The following BBS9 variants were observed in gnomAD, a reference collection of about 807,000 sequenced individuals.
BBS9 encodes Bardet-Biedl syndrome 9.
In BBS9, 89 loss-of-function variants were observed where a neutral mutation model predicts 117.7. The observed-to-expected ratio is 0.76, with a 90% confidence interval of 0.64 to 0.90. The LOEUF (loss-of-function observed/expected upper bound fraction) is 0.90. Among genes scored for constraint, BBS9 ranks in the 40% least tolerant of loss-of-function variants. The probability of loss-of-function intolerance (pLI) is 0.00; values close to 1 mark genes in which losing one functional copy is unlikely to be tolerated. For synonymous variants in BBS9, 379 were observed against 370.9 expected (o/e 1.02, Z -0.25); for missense variants, 982 against 1,042.2 (o/e 0.94, Z 0.80).
At chr7:33,395,958 A>G (rs745945720) in intron 19 of BBS9, among the ~76,000 whole-genome samples, 4 of 152,168 alleles carry the variant, frequency 2.6e-5, no homozygotes, top group Non-Finnish European at 4.4e-5. Context: ...TTTTCATATA[A>G]CCACTTAAGA....
intron 19 of BBS9, among the ~76,000 whole-genome samples, chr7:33,441,814 A>G (rs1013590114): frequency 1.3e-5 from 2 of 152,114 alleles, no homozygotes; most frequent in African/African-American, 2.4e-5. Context: ...GGATGTGTTA[A>G]AGGAATTCCT....
chr7:33,269,614 G>A (rs185558744), intron 7 of BBS9, among the ~76,000 whole-genome samples: 4 of 152,120 alleles, frequency 2.6e-5, no homozygotes, highest in Non-Finnish European at 4.4e-5. Context: ...ACAGAAGTGG[G>A]AGAAGAGCTG....
intron 1 of BBS9, among the ~76,000 whole-genome samples, chr7:33,133,383 G>A (rs932700316): frequency 1.3e-5 from 2 of 151,982 alleles, no homozygotes; most frequent in African/African-American, 2.4e-5. Context: ...AAGAAACCTC[G>A]CATCCCTTAG....
intron 19 of BBS9, among the ~76,000 whole-genome samples, chr7:33,496,089 G>A (rs1417462264): frequency 6.6e-6 from 1 of 152,084 alleles, no homozygotes; most frequent in African/African-American, 2.4e-5. Context: ...AGGATCAGGT[G>A]GTTTAGCTCA....
At chr7:33,526,882 T>C (rs1468683817) in intron 20 of BBS9, among the ~76,000 whole-genome samples, 1 of 150,686 alleles carries the variant, frequency 6.6e-6, no homozygotes, top group African/African-American at 2.4e-5. Context: ...TGTGGTTTTA[T>C]CTACTTTTGG....
At chr7:33,251,961 C>T (rs140546281) in intron 5 of BBS9, among the ~76,000 whole-genome samples, 51 of 152,242 alleles carry the variant, frequency 3.3e-4, no homozygotes, top group African/African-American at 1.1e-3. Context: ...AAGAAATACC[C>T]ATGACTGGTA....
intron 9 of BBS9, among the ~76,000 whole-genome samples, chr7:33,325,974 T>G (rs574884307): frequency 1.7e-4 from 26 of 152,166 alleles, no homozygotes; most frequent in African/African-American, 5.1e-4. Context: ...CCAAGGCCTC[T>G]CATAACCACT....
chr7:33,439,727 C>T (rs145663080), intron 19 of BBS9, among the ~76,000 whole-genome samples: 57 of 152,242 alleles, frequency 3.7e-4, no homozygotes, highest in African/African-American at 1.3e-3. Context: ...CAGGGTTTCA[C>T]CATGTTGACC....
chr7:33,474,556 G>A (rs1008431079), intron 19 of BBS9, among the ~76,000 whole-genome samples: 11 of 152,138 alleles, frequency 7.2e-5, no homozygotes, highest in African/African-American at 2.7e-4. Flanking sequence ...ATTGCGAGAT[G>A]GCTGCTGCAG....
At chr7:33,565,752 A>T (rs1031458433) in intron 21 of BBS9, among the ~76,000 whole-genome samples, 3 of 134,192 alleles carry the variant, frequency 2.2e-5, no homozygotes, top group Admixed American at 7.5e-5. Context: ...CAGAGCCCAG[A>T]TCAATACAAA....
At chr7:33,268,481 C>G (rs1473016494) in intron 7 of BBS9, among the ~76,000 whole-genome samples, 1 of 152,180 alleles carries the variant, frequency 6.6e-6, no homozygotes, top group Non-Finnish European at 1.5e-5. Flanking sequence ...ATGCCACTCA[C>G]CTCGTTTGTT....
chr7:33,240,900 C>T (rs915706802), intron 5 of BBS9, among the ~76,000 whole-genome samples: 1 of 152,060 alleles, frequency 6.6e-6, no homozygotes, highest in African/African-American at 2.4e-5. Flanking sequence ...GTGCCAGCAC[C>T]CTGGTAGGCA....
intron 19 of BBS9, among the ~76,000 whole-genome samples, chr7:33,493,425 A>G (rs1363230685): frequency 6.6e-6 from 1 of 152,218 alleles, no homozygotes; most frequent in Non-Finnish European, 1.5e-5. Flanking sequence ...AATTCTTTTC[A>G]GTAAGTAATG....
rs186966741 is a variant in BBS9, at chr7:33,584,099, C to T, written c.2522-20766C>T. 3.6e-3 allele frequency among the ~76,000 whole-genome samples: 553 copies of T among 152,078 alleles called. 3 individuals are homozygous for T. Among genetic ancestry groups the T allele is most frequent in the African/African-American group, 0.012 (508 of 41,532 alleles). On this transcript the variant is annotated intron_variant, in intron 21 of 22. Coordinates refer to ENST00000242067, the MANE Select transcript of BBS9 (RefSeq NM_198428.3). ...ATTGGTGTTACTTTGAATATAATAACCCCTCCACTATATTTTCTAAGTGGA... is the reference window on the plus strand; with the variant it reads ...ATTGGTGTTACTTTGAATATAATAATCCCTCCACTATATTTTCTAAGTGGA...
chr7:33,548,710 A>G (rs891395202), intron 21 of BBS9, among the ~76,000 whole-genome samples: 43 of 151,702 alleles, frequency 2.8e-4, no homozygotes, highest in Non-Finnish European at 1.2e-4. Flanking sequence ...CTAGGAATCC[A>G]ACTTACAAGG....
intron 21 of BBS9, among the ~76,000 whole-genome samples, chr7:33,549,109 C>A (rs1853922334): frequency 6.7e-6 from 1 of 148,320 alleles, no homozygotes; most frequent in Non-Finnish European, 1.5e-5. Context: ...ACAGAGCCCT[C>A]AGAAATAACG....
chr7:33,385,742 T>C (rs1825887093), intron 18 of BBS9, among the ~76,000 whole-genome samples: 1 of 152,096 alleles, frequency 6.6e-6, no homozygotes, highest in African/African-American at 2.4e-5. Flanking sequence ...AAAAACTTTA[T>C]TTTAAAATAT....
intron 4 of BBS9, chr7:33,157,594 T>C (rs1794280548): frequency 6.6e-6 from 1 of 152,200 alleles, no homozygotes; most frequent in Non-Finnish European, 1.5e-5. Flanking sequence ...AAGTTCCAGA[T>C]TGAACTTTTA....
At chr7:33,175,716 G>C (rs1351770612) in intron 4 of BBS9, among the ~76,000 whole-genome samples, 1 of 151,638 alleles carries the variant, frequency 6.6e-6, no homozygotes, top group African/African-American at 2.4e-5. Context: ...GCAAAAGGGA[G>C]GGAAAAAAAA....
Sources: allele counts gnomAD v4.1 joint callset (sites outside exome capture counted in the v4.1 genomes callset), GRCh38; gene constraint gnomAD v4.1.1; transcripts MANE v1.5; gene names NCBI Gene and HGNC (gene_info 2026-07-23, HGNC 2026-07-21).